The following KIR3DL2 variants were observed in gnomAD, a reference collection of about 807,000 sequenced individuals.
The protein encoded by KIR3DL2 is killer cell immunoglobulin like receptor, three Ig domains and long cytoplasmic tail 2, also known as killer cell immunoglobulin-like receptor 3DL2.
A neutral mutation model predicts 41.6 loss-of-function variants in KIR3DL2; 42 were observed. That is an observed-to-expected ratio of 1.01 (90% CI 0.79 to 1.31). The LOEUF (loss-of-function observed/expected upper bound fraction) is 1.31. Among genes scored for constraint, KIR3DL2 ranks in the 50% most tolerant of loss-of-function variants. KIR3DL2 has a pLI of 0.00. For missense variants in KIR3DL2, 728 were observed against 576.8 expected, an observed-to-expected ratio of 1.26 and a Z score of -2.68; for synonymous variants, 230 against 221.3, an observed-to-expected ratio of 1.04 and a Z score of -0.35.
At chr19:54,851,569 C>G (rs1158511488) in intron 2 of KIR3DL2, among the ~76,000 whole-genome samples, 1 of 151,326 alleles carries the variant, frequency 6.6e-6, no homozygotes, top group East Asian at 1.9e-4. Flanking sequence ...TAACTGACAC[C>G]CTCCAGCGTT....
intron 1 of KIR3DL2, 87 bp downstream of exon 1, chr19:54,850,596 TG>T: frequency 6.4e-7 from 1 of 1,573,932 alleles, no homozygotes. Context: ...AGTGGAGATA[TG>T]GGCCTGGAGT....
At chr19:54,856,036 G>C in intron 5 of KIR3DL2, 124 bp downstream of exon 5, 1 of 1,229,964 alleles carries the variant, frequency 8.1e-7, no homozygotes, top group South Asian at 1.4e-5. Flanking sequence ...GGTGTGAGGG[G>C]GGGGTCAGGG....
rs1376726629 is a variant in KIR3DL2 at position 54,855,646 on chromosome 19, C to A, written c.683C>A (p.Ala228Asp). Reference protein sequence around the residue: ...TGLYEKPSLSAQPGPTVQAGE... With the variant: ...TGLYEKPSLSDQPGPTVQAGE... Reference sequence around the variant, plus strand: ...CTATATGAGAAACCTTCTCTCTCAGCCCAGCCGGGCCCCACGGTTCAGGCA... The same window carrying A: ...CTATATGAGAAACCTTCTCTCTCAGACCAGCCGGGCCCCACGGTTCAGGCA... Residue 228 changes from alanine to aspartate, a missense_variant, in exon 5 of 9, where the codon GCC becomes GAC. Transcript: ENST00000326321. 3.7e-5 allele frequency: 59 copies of A among 1,613,282 alleles called. No individual in the cohort carries two copies. Among genetic ancestry groups the A allele is most frequent in the Non-Finnish European group, 4.8e-5 (57 of 1,179,908 alleles).
intron 6 of KIR3DL2, among the ~76,000 whole-genome samples, chr19:54,864,572 T>C (rs1170263765): frequency 2.0e-5 from 3 of 151,694 alleles, no homozygotes; most frequent in Non-Finnish European, 2.9e-5. Context: ...AGGTCCTTCA[T>C]ATCCCTTGTA....
intron 6 of KIR3DL2, among the ~76,000 whole-genome samples, chr19:54,863,836 GC>G (rs1372117856): frequency 6.6e-6 from 1 of 151,924 alleles, no homozygotes; most frequent in Non-Finnish European, 1.5e-5. Flanking sequence ...AGTTTCTTTT[GC>G]TGTGCAGAAG....
Position 54,853,950 on chromosome 19 carries a change from C to T in KIR3DL2, c.559C>T (p.Pro187Ser). 6.2e-7 allele frequency: 1 copy of T among 1,613,404 alleles called. No homozygotes were observed. Among genetic ancestry groups the T allele is most frequent in the Non-Finnish European group, 8.5e-7 (1 of 1,179,872 alleles). ...KANFSIGPLM[P>S]VLAGTYRCYG... is the part of the protein sequence containing the mutation. The stretch of plus-strand genomic sequence containing the variant: ...CAACTTCTCCATCGGTCCCTTGATG[C>T]CTGTCCTTGCAGGAACCTACAGATG... The change falls in exon 4 of 9, where the codon CCT becomes TCT. Residue 187 changes from proline to serine, a missense_variant. Pro to Ser is a moderately conservative substitution (Grantham distance 74). Transcript: ENST00000326321.
At chr19:54,864,211 T>G (rs1431903127) in intron 6 of KIR3DL2, among the ~76,000 whole-genome samples, 1 of 152,130 alleles carries the variant, frequency 6.6e-6, no homozygotes, top group Non-Finnish European at 1.5e-5. Context: ...GTTCCATTGA[T>G]CTATATCTCT....
chr19:54,858,052 C>A (rs1156566899), intron 5 of KIR3DL2, among the ~76,000 whole-genome samples: 2 of 151,512 alleles, frequency 1.3e-5, no homozygotes, highest in African/African-American at 4.9e-5. Context: ...GTTATTAATC[C>A]CATCTCAGAT....
intron 3 of KIR3DL2, among the ~76,000 whole-genome samples, 154 bp from the exon 4 acceptor site, chr19:54,853,593 C>A (rs1203747111): frequency 6.6e-6 from 1 of 151,522 alleles, no homozygotes; most frequent in Non-Finnish European, 1.5e-5. Context: ...AATGGAGGGA[C>A]CTGCACCAGG....
At chr19:54,861,176 T>C (rs866863342) in intron 6 of KIR3DL2, among the ~76,000 whole-genome samples, 5 of 146,078 alleles carry the variant, frequency 3.4e-5, no homozygotes, top group African/African-American at 1.3e-4. Flanking sequence ...ATATAAGATA[T>C]GTTTGTGAGG....
chr19:54,852,760 T>C (rs2064389887), intron 3 of KIR3DL2, among the ~76,000 whole-genome samples: 1 of 150,100 alleles, frequency 6.7e-6, no homozygotes, highest in Admixed American at 6.6e-5. Flanking sequence ...AGAGAACTGA[T>C]TTGCTGAGTC....
intron 6 of KIR3DL2, among the ~76,000 whole-genome samples, chr19:54,864,648 GCTCT>G (rs1218130979): frequency 2.6e-5 from 4 of 151,808 alleles, no homozygotes; most frequent in Admixed American, 1.3e-4. Context: ...TCATGATTTG[GCTCT>G]CTGTTTGTCT....
chr19:54,850,638 G>C, intron 1 of KIR3DL2, 129 bp downstream of exon 1: 1 of 1,388,836 alleles, frequency 7.2e-7, no homozygotes, highest in Non-Finnish European at 1.0e-6. Context: ...GGAGATATGG[G>C]CCTGGAGGTG....
At chr19:54,863,018 A>G (rs1334904904) in intron 6 of KIR3DL2, among the ~76,000 whole-genome samples, 2 of 50,740 alleles carry the variant, frequency 3.9e-5, no homozygotes, top group Non-Finnish European at 6.8e-5. Context: ...CCCCCACCCC[A>G]CAACAGTCCC....
At chr19:54,855,422 G>A (rs2064666138) in intron 4 of KIR3DL2, among the ~76,000 whole-genome samples, 197 bp from the exon 5 acceptor site, 1 of 151,360 alleles carries the variant, frequency 6.6e-6, no homozygotes, top group South Asian at 2.1e-4. Context: ...ATACCCAGGG[G>A]TGGGGAAGTG....
At position 54,852,144 on chromosome 19, in the gene KIR3DL2, G is replaced by T. The variant is rs149778550; in HGVS notation, c.217G>T (p.Gly73Cys). 4.3e-5 allele frequency: 69 copies of T among 1,612,956 alleles called. 1 individual carries two copies. In the African/African-American group the frequency reaches 7.5e-4, roughly 18 times the overall value. ...EDRSHVPIFH[G>C]RIFQESFIMG... ...CAGAAGCCACGTTCCCATCTTCCAC[G>T]GCAGAATATTCCAGGAGAGCTTCAT... The change falls in exon 3 of 9, where the codon GGC becomes TGC. Residue 73 changes from glycine to cysteine, a missense_variant. Transcript: ENST00000326321.
Position 54,866,244 on chromosome 19 carries a change from G to A in KIR3DL2, c.1106-126G>A, listed in dbSNP as rs567396207. 3 of 915,050 alleles carry A rather than the reference G, an allele frequency of 3.3e-6. No individual in the cohort carries two copies. In the South Asian group the frequency reaches 4.5e-5, roughly 14 times the overall value. The allele number at this position is 915,050 out of a possible 1,614,324, so 56.7% of individuals were successfully genotyped here. Reference sequence around the variant, plus strand: ...GAACTCAGAGAGATAGAATGTCTGAGTCTGGATGTTGGCAGCTGAAGAGCC... The same window carrying A: ...GAACTCAGAGAGATAGAATGTCTGAATCTGGATGTTGGCAGCTGAAGAGCC... On this transcript the variant is annotated intron_variant, in intron 7 of 8. Transcript: ENST00000326321.
In KIR3DL2 at chr19:54,866,367, C is replaced by G. The variant is rs1225298538; in HGVS notation, c.1106-3C>G. On this transcript the variant is annotated splice_region_variant and splice_polypyrimidine_tract_variant and intron_variant, in intron 7 of 8. Transcript: ENST00000326321. ...CGGTTTTGATGACTTCCGTCTCCTA[C>G]AGATGCTGCTGTAATGGACCAAGAG... 6.2e-7 allele frequency: 1 copy of G among 1,613,962 alleles called. No homozygotes were observed. The highest frequency in any genetic ancestry group is 2.2e-5 in the East Asian group (1 of 44,876).
At chr19:54,856,057 C>A in intron 5 of KIR3DL2, 145 bp downstream of exon 5, 1 of 1,056,074 alleles carries the variant, frequency 9.5e-7, no homozygotes. Context: ...TGCAGGATGG[C>A]AGACAGGGCA....
Sources: allele counts gnomAD v4.1 joint callset (sites outside exome capture counted in the v4.1 genomes callset), GRCh38; gene constraint gnomAD v4.1.1; transcripts MANE v1.5; gene names NCBI Gene and HGNC (gene_info 2026-07-23, HGNC 2026-07-21).